The following CYRIB variants were observed in gnomAD, a reference collection of about 807,000 sequenced individuals.
CYRIB encodes CYFIP related Rac1 interactor B, also known as CYFIP-related Rac1 interactor B.
CYRIB carries 8 observed loss-of-function variants against 44.2 expected under a neutral mutation model. The ratio of observed to expected loss-of-function variants is 0.18; its 90% confidence interval spans 0.11 to 0.33. CYRIB has a LOEUF of 0.33. Among genes scored for constraint, CYRIB ranks in the 10% least tolerant of loss-of-function variants. The pLI is 1.00. For missense variants in CYRIB, 185 were observed against 382.8 expected, an observed-to-expected ratio of 0.48 and a Z score of 4.31; for synonymous variants, 131 against 127.2, an observed-to-expected ratio of 1.03 and a Z score of -0.20.
intron 1 of CYRIB, among the ~76,000 whole-genome samples, chr8:129,933,896 AAAGAAGAAG>A (rs71923726): frequency 0.17 from 25,222 of 150,266 alleles, 2,197 homozygotes; most frequent in Non-Finnish European, 0.19. Context: ...ACAAAAAAAA[AAAGAAGAAG>A]AAGAAGAAGA....
At chr8:129,957,300 G>A (rs1293376084) in intron 2 of CYRIB, among the ~76,000 whole-genome samples, 1 of 152,180 alleles carries the variant, frequency 6.6e-6, no homozygotes, top group Non-Finnish European at 1.5e-5. Flanking sequence ...GACAGACTTA[G>A]GGGAAATCTG....
intron 11 of CYRIB, among the ~76,000 whole-genome samples, chr8:129,846,418 T>G (rs769613401): frequency 4.6e-5 from 7 of 152,252 alleles, no homozygotes; most frequent in Non-Finnish European, 1.5e-5. Context: ...ATGCTAATAG[T>G]GGCTTATCTC....
At chr8:129,887,753 A>G (rs2134458684) in intron 2 of CYRIB, among the ~76,000 whole-genome samples, 1 of 152,332 alleles carries the variant, frequency 6.6e-6, no homozygotes, top group South Asian at 2.1e-4. Flanking sequence ...TTAAGATTGA[A>G]CAACTGCCCT....
Position 129,878,390 on chromosome 8 carries a change from T to C in CYRIB, c.73+999A>G, listed in dbSNP as rs2059849311. Reference sequence around the variant, plus strand: ...TTACATAAAATTGTAAAAACTAAATTGAAGTTGGAGGAAAAGGCAGTGACT... The same window carrying C: ...TTACATAAAATTGTAAAAACTAAATCGAAGTTGGAGGAAAAGGCAGTGACT... On this transcript the variant is annotated intron_variant, in intron 3 of 11. Transcript: ENST00000519824. 2.0e-5 allele frequency among the ~76,000 whole-genome samples: 3 copies of C among 152,208 alleles called. No homozygotes were observed. The South Asian group carries it at 6.2e-4, about 31-fold the overall frequency.
At position 129,955,434 on chromosome 8, in the gene CYRIB, A is replaced by G. The variant is rs190932855; in HGVS notation, c.-243+15509T>C. Among the ~76,000 whole-genome samples, 90 of 152,220 alleles carry G rather than the reference A, an allele frequency of 5.9e-4. No individual in the cohort carries two copies. In the South Asian group the frequency reaches 0.011, roughly 19 times the overall value. ...TTGCTGTTCCACCTCTGCTAGGAAC[A>G]CCTTCCACAACACTCCCACGTTTCC... On this transcript the variant is annotated intron_variant, in intron 2 of 14. Transcript: ENST00000401979.
At chr8:129,884,745 AT>A (rs2062063864) in intron 2 of CYRIB, among the ~76,000 whole-genome samples, 2 of 152,236 alleles carry the variant, frequency 1.3e-5, no homozygotes, top group South Asian at 4.1e-4. Flanking sequence ...TAATCCTTGG[AT>A]TTAAACTAAA....
At chr8:130,007,026 C>T (rs1375828951) in intron 1 of CYRIB, among the ~76,000 whole-genome samples, 1 of 152,024 alleles carries the variant, frequency 6.6e-6, no homozygotes, top group African/African-American at 2.4e-5. Context: ...CCAAATGCAT[C>T]AAGAGGTAGA....
At chr8:129,976,814 A>T (rs536188009) in intron 1 of CYRIB, among the ~76,000 whole-genome samples, 2 of 152,006 alleles carry the variant, frequency 1.3e-5, no homozygotes, top group South Asian at 4.2e-4. Flanking sequence ...GTGTGTGTTT[A>T]TGTGTTGTTG....
chr8:129,968,258 T>C lies in CYRIB; in HGVS notation c.-243+2685A>G, dbSNP rs149795562. On this transcript the variant is annotated intron_variant, in intron 2 of 14. Coordinates refer to the CYRIB transcript ENST00000401979. Reference sequence around the variant, plus strand: ...CAGCTCAGCTCATTAATTCTCTCTTTAGCTATGTCTAATCTGTCATTTAAC... The same window carrying C: ...CAGCTCAGCTCATTAATTCTCTCTTCAGCTATGTCTAATCTGTCATTTAAC... 2.5e-3 allele frequency among the ~76,000 whole-genome samples: 382 copies of C among 152,364 alleles called. 3 individuals are homozygous for C. The highest frequency in any genetic ancestry group is 8.8e-3 in the African/African-American group (365 of 41,584).
At chr8:129,990,826 G>A (rs920114374) in intron 1 of CYRIB, among the ~76,000 whole-genome samples, 3 of 152,014 alleles carry the variant, frequency 2.0e-5, no homozygotes, top group African/African-American at 7.3e-5. Context: ...GCCCAACCAA[G>A]ACATGGTTTA....
At chr8:129,957,964 C>CAAA (rs371857313) in intron 2 of CYRIB, among the ~76,000 whole-genome samples, 1 of 103,770 alleles carries the variant, frequency 9.6e-6, no homozygotes, top group Non-Finnish European at 2.0e-5. Flanking sequence ...GACTCCATCT[C>CAAA]AAAAAAAAAA....
intron 4 of CYRIB, among the ~76,000 whole-genome samples, chr8:129,867,943 CACTA>C (rs1237804257): frequency 3.9e-5 from 6 of 152,292 alleles, no homozygotes; most frequent in South Asian, 2.1e-4. Context: ...ATACTTCTTG[CACTA>C]ACTGAGATTA....
In CYRIB at chr8:129,958,763, T is replaced by TAAA. The variant is rs532997313; in HGVS notation, c.-243+12177_-243+12179dup. ...GTTTTCCTCCCATCTACCACTGGTTTAAAAAAAAAAAAAAAAAAGAGGCCG... is the reference window on the plus strand; with the variant it reads ...GTTTTCCTCCCATCTACCACTGGTTTAAAAAAAAAAAAAAAAAAAAAGAGGCCG... On this transcript the variant is annotated intron_variant, in intron 2 of 14. Coordinates refer to the CYRIB transcript ENST00000401979. Among the ~76,000 whole-genome samples the TAAA allele has an allele frequency of 8.8e-3, 1,146 of 130,010 alleles. 9 individuals are homozygous for TAAA. The highest frequency in any genetic ancestry group is 0.04 in the Middle Eastern group (10 of 248). The allele number at this position is 130,010 out of a possible 152,430, so 85.3% of individuals were successfully genotyped here.
chr8:129,979,154 AAATT>A (rs995848075), intron 1 of CYRIB, among the ~76,000 whole-genome samples: 5 of 151,938 alleles, frequency 3.3e-5, no homozygotes, highest in Non-Finnish European at 5.9e-5. Flanking sequence ...ATAAATAAAT[AAATT>A]AATTAATTAA....
intron 2 of CYRIB, among the ~76,000 whole-genome samples, chr8:129,953,447 A>G (rs1053898727): frequency 1.3e-5 from 2 of 152,154 alleles, no homozygotes; most frequent in South Asian, 4.1e-4. Flanking sequence ...CATCACAGCC[A>G]TGCATTTGCC....
intron 3 of CYRIB, among the ~76,000 whole-genome samples, chr8:129,875,421 G>A (rs2058781696): frequency 6.6e-6 from 1 of 151,826 alleles, no homozygotes; most frequent in African/African-American, 2.4e-5. Context: ...ATGTTGCCCA[G>A]ACTGGTCTCA....
At chr8:129,947,275 G>T (rs2094212771) in intron 2 of CYRIB, among the ~76,000 whole-genome samples, 1 of 152,060 alleles carries the variant, frequency 6.6e-6, no homozygotes, top group Non-Finnish European at 1.5e-5. Flanking sequence ...GGCCAAGCTG[G>T]TCTCAAACTC....
At chr8:129,865,497 C>A (rs1237500233) in intron 4 of CYRIB, among the ~76,000 whole-genome samples, 1 of 152,186 alleles carries the variant, frequency 6.6e-6, no homozygotes, top group African/African-American at 2.4e-5. Context: ...CAAATAGAAT[C>A]CACATTTTTG....
intron 4 of CYRIB, among the ~76,000 whole-genome samples, chr8:129,867,541 T>C (rs1489940758): frequency 1.3e-5 from 2 of 151,956 alleles, no homozygotes; most frequent in African/African-American, 4.8e-5. Flanking sequence ...CATTGTTTAT[T>C]TAATAGATTC....
Sources: allele counts gnomAD v4.1 joint callset (sites outside exome capture counted in the v4.1 genomes callset), GRCh38; gene constraint gnomAD v4.1.1; transcripts MANE v1.5; gene names NCBI Gene and HGNC (gene_info 2026-07-23, HGNC 2026-07-21).